The following SCHIP1 variants were observed in gnomAD, a reference collection of about 807,000 sequenced individuals.
SCHIP1 encodes schwannomin interacting protein 1, also known as schwannomin-interacting protein 1.
In SCHIP1, 8 loss-of-function variants were observed where a neutral mutation model predicts 29.7. The ratio of observed to expected loss-of-function variants is 0.27; its 90% CI spans 0.16 to 0.49. The LOEUF (loss-of-function observed/expected upper bound fraction) is 0.49, where lower values mean the gene tolerates loss of function less well. Among genes scored for constraint, SCHIP1 ranks in the 20% least tolerant of loss-of-function variants. SCHIP1 has a pLI of 0.99. For missense variants in SCHIP1, 193 were observed against 294.6 expected (o/e 0.66, Z 2.52); for synonymous variants, 76 against 94.9 (o/e 0.80, Z 1.16).
At chr3:159,317,401 G>T in the SCHIP1 span, among the ~76,000 whole-genome samples, 1 of 152,194 alleles carries the variant, frequency 6.6e-6, no homozygotes, top group African/African-American at 2.4e-5. Flanking sequence ...AATGTCGTGG[G>T]AACAGGAAGC....
At chr3:159,491,222 A>G in the SCHIP1 span, among the ~76,000 whole-genome samples, 1 of 152,224 alleles carries the variant, frequency 6.6e-6, no homozygotes, top group Non-Finnish European at 1.5e-5. Context: ...CTGAGGTACC[A>G]GGTTCATCTC....
chr3:159,462,640 C>A, the SCHIP1 span, among the ~76,000 whole-genome samples: 1 of 152,092 alleles, frequency 6.6e-6, no homozygotes, highest in African/African-American at 2.4e-5. Context: ...GTTCAGAAAC[C>A]TTCAGTGGCT....
chr3:159,792,663 T>C, the SCHIP1 span, among the ~76,000 whole-genome samples: 1 of 152,266 alleles, frequency 6.6e-6, no homozygotes, highest in African/African-American at 2.4e-5. Context: ...GTTCCCTTGC[T>C]CATCTCTAGT....
upstream of SCHIP1, among the ~76,000 whole-genome samples, chr3:159,836,397 C>T (rs56272715): frequency 0.15 from 23,445 of 152,162 alleles, 1,913 homozygotes; most frequent in East Asian, 0.22. Flanking sequence ...ACCCTCATGA[C>T]CTAATCACCC....
chr3:159,601,867 A>G, the SCHIP1 span, among the ~76,000 whole-genome samples: 1 of 152,200 alleles, frequency 6.6e-6, no homozygotes, highest in Non-Finnish European at 1.5e-5. Context: ...TCACTGGGTA[A>G]TGTCAGCAAA....
At chr3:159,731,684 G>A in the SCHIP1 span, among the ~76,000 whole-genome samples, 1 of 152,180 alleles carries the variant, frequency 6.6e-6, no homozygotes, top group African/African-American at 2.4e-5. Context: ...CCTCCTCTTT[G>A]AGGCGAGCAA....
chr3:159,631,489 G>T, the SCHIP1 span, among the ~76,000 whole-genome samples: 1 of 152,034 alleles, frequency 6.6e-6, no homozygotes, highest in Non-Finnish European at 1.5e-5. Flanking sequence ...TATTATTCAA[G>T]GATAAAAAGG....
At chr3:159,497,110 T>C in the SCHIP1 span, among the ~76,000 whole-genome samples, 2 of 151,068 alleles carry the variant, frequency 1.3e-5, no homozygotes, top group Non-Finnish European at 3.0e-5. Context: ...TGTTGTGGGG[T>C]TGGGGGAGGG....
chr3:159,519,859 AAG>A, the SCHIP1 span, among the ~76,000 whole-genome samples: 1 of 101,964 alleles, frequency 9.8e-6, no homozygotes, highest in Admixed American at 9.2e-5. Flanking sequence ...ATCAGTCATG[AAG>A]AAAAAAAAAA....
intron 1 of SCHIP1, among the ~76,000 whole-genome samples, chr3:159,847,445 C>A (rs1477741811): frequency 6.6e-6 from 1 of 152,186 alleles, no homozygotes; most frequent in Non-Finnish European, 1.5e-5. Flanking sequence ...AACTACCAAA[C>A]TTCCTGAAAT....
the SCHIP1 span, among the ~76,000 whole-genome samples, chr3:159,688,391 A>G: frequency 6.6e-6 from 1 of 152,174 alleles, no homozygotes; most frequent in African/African-American, 2.4e-5. Flanking sequence ...TGGCCACATA[A>G]ATGTCTTCTT....
At chr3:159,648,752 A>G in the SCHIP1 span, among the ~76,000 whole-genome samples, 2 of 151,946 alleles carry the variant, frequency 1.3e-5, no homozygotes, top group Admixed American at 1.3e-4. Flanking sequence ...ACATACCAGC[A>G]GCCTGGTTCT....
the SCHIP1 span, among the ~76,000 whole-genome samples, chr3:159,480,760 T>A: frequency 6.6e-6 from 1 of 152,158 alleles, no homozygotes; most frequent in Non-Finnish European, 1.5e-5. Flanking sequence ...CTTTGGTGTC[T>A]CTTATGAACA....
the SCHIP1 span, among the ~76,000 whole-genome samples, chr3:159,378,554 TG>T: frequency 3.3e-5 from 5 of 152,200 alleles, no homozygotes; most frequent in African/African-American, 1.2e-4. Context: ...AATCTGCATC[TG>T]TTATGTGATT....
chr3:159,892,090 G>C lies in SCHIP1; in HGVS notation c.590-7G>C, dbSNP rs897073956. 1.2e-6 allele frequency: 2 copies of C among 1,608,248 alleles called. No individual in the cohort carries two copies. The highest frequency in any genetic ancestry group is 2.7e-5 in the African/African-American group (2 of 74,514). ...TCTGTTTTTAAATGTTCTGTTATTT[G>C]CCACAGGCTTGAATGAAGAGTTGGT... On this transcript the variant is annotated splice_region_variant and splice_polypyrimidine_tract_variant and intron_variant, in intron 5 of 6. Coordinates refer to ENST00000445224, the Ensembl canonical transcript of SCHIP1.
chr3:159,821,486 A>G, the SCHIP1 span, among the ~76,000 whole-genome samples: 2 of 150,682 alleles, frequency 1.3e-5, no homozygotes, highest in Middle Eastern at 3.2e-3. Flanking sequence ...GCCTGATACC[A>G]TGGATAGTAC....
chr3:159,697,160 A>G, the SCHIP1 span, among the ~76,000 whole-genome samples: 3 of 152,244 alleles, frequency 2.0e-5, no homozygotes, highest in Non-Finnish European at 4.4e-5. Context: ...TGGACTAGAT[A>G]GTACCAGTAG....
chr3:159,577,440 T>C, the SCHIP1 span, among the ~76,000 whole-genome samples: 1 of 152,188 alleles, frequency 6.6e-6, no homozygotes. Flanking sequence ...TCTCAAAGTG[T>C]GAATATCACA....
the SCHIP1 span, among the ~76,000 whole-genome samples, chr3:159,567,460 T>G: frequency 6.6e-6 from 1 of 152,202 alleles, no homozygotes; most frequent in Non-Finnish European, 1.5e-5. Flanking sequence ...ATTTTAGTTT[T>G]TATACTTAGG....
Sources: gnomAD v4.1 joint callset for allele counts (sites outside exome capture counted in the v4.1 genomes callset) on GRCh38, gnomAD v4.1.1 for gene constraint, MANE v1.5 for transcripts, NCBI Gene and HGNC (gene_info 2026-07-23, HGNC 2026-07-21) for gene names.